The following ASB17 variants were observed in gnomAD, a reference collection of about 807,000 sequenced individuals.
ASB17 encodes ankyrin repeat and SOCS box containing 17.
In ASB17, 26 loss-of-function variants were observed where a neutral mutation model predicts 25.7. The observed-to-expected ratio is 1.01, with a 90% CI of 0.74 to 1.40. The LOEUF (loss-of-function observed/expected upper bound fraction) is 1.40. ASB17 is among the 40% of genes most tolerant of loss of function. The pLI is 0.00. For missense variants in ASB17, 326 were observed against 338.5 expected (o/e 0.96, Z 0.29); for synonymous variants, 128 against 121.4 (o/e 1.05, Z -0.36).
intron 2 of ASB17, among the ~76,000 whole-genome samples, chr1:75,919,534 C>A (rs143172375): frequency 0.038 from 5,761 of 152,240 alleles, 177 homozygotes; most frequent in South Asian, 0.075. Context: ...TATCCCTCCC[C>A]TCTCCCCCTA....
At chr1:75,927,285 G>A (rs1259763370) in intron 1 of ASB17, among the ~76,000 whole-genome samples, 1 of 140,100 alleles carries the variant, frequency 7.1e-6, no homozygotes, top group Non-Finnish European at 1.6e-5. Context: ...GTTGTTTTAA[G>A]CCACTAAGTT....
At chr1:75,921,626 C>A (rs1053784070) in intron 2 of ASB17, among the ~76,000 whole-genome samples, 14 of 151,996 alleles carry the variant, frequency 9.2e-5, no homozygotes, top group Admixed American at 2.6e-4. Context: ...ATATTTTAAG[C>A]CTTTATTTAT....
At chr1:75,919,259 T>C (rs986282065) in intron 2 of ASB17, 101 bp from the exon 3 acceptor site, 1 of 828,030 alleles carries the variant, frequency 1.2e-6, no homozygotes, top group Non-Finnish European at 1.8e-6. Context: ...AAATAGACCA[T>C]AAATTTATAA....
chr1:75,932,125 C>A lies in ASB17; in HGVS notation c.167G>T (p.Arg56Met). 1 of 1,614,086 alleles carries A rather than the reference C, an allele frequency of 6.2e-7. No homozygotes were observed. The highest frequency in any genetic ancestry group is 1.3e-5 in the African/African-American group (1 of 75,038). Residue 56 changes from arginine to methionine, a missense_variant, in exon 1 of 3, where the codon AGG (arginine) becomes ATG (methionine). Transcript: ENST00000284142. The stretch of plus-strand genomic sequence containing the variant: ...GTCAAAACCATCCAAGTCCACATAC[C>A]TCAGAATTTTTGCCAGTGATCTGTA... Reference protein sequence around the residue: ...RIYRSLAKILRYVDLDGFDAL... With the variant: ...RIYRSLAKILMYVDLDGFDAL...
rs1395939707 is a variant in ASB17, at chr1:75,922,199, A to G, written c.562T>C (p.Tyr188His). The G allele has an allele frequency of 6.2e-7, 1 of 1,613,888 alleles. No homozygotes were observed. The highest frequency in any genetic ancestry group is 8.5e-7 in the Non-Finnish European group (1 of 1,179,850). Residue 188 changes from tyrosine (Y) to histidine (H), a missense_variant, in exon 2 of 3, where the codon TAC (tyrosine) becomes CAC (histidine). By Grantham distance (83) the Tyr-to-His change is moderately conservative. Coordinates refer to ENST00000284142, the MANE Select transcript of ASB17 (RefSeq NM_080868.3). The stretch of plus-strand genomic sequence containing the variant: ...ACCATTACTCTTACTCTCGAAGGGT[A>G]GAGTACTATTGTTAAGACAATGTTG... ...PINIVLTIVL[Y>H]PSRVRVMVDR...
chr1:75,928,134 C>T (rs1321475205), intron 1 of ASB17, among the ~76,000 whole-genome samples: 3 of 152,186 alleles, frequency 2.0e-5, no homozygotes, highest in Non-Finnish European at 4.4e-5. Flanking sequence ...CAGATACCTA[C>T]TCCTCCCTAA....
intron 2 of ASB17, among the ~76,000 whole-genome samples, chr1:75,921,076 TC>T (rs1306979907): frequency 6.6e-5 from 10 of 152,184 alleles, no homozygotes; most frequent in Admixed American, 4.6e-4. Context: ...GCCCGGCCTG[TC>T]CTAGTGCTTT....
intron 2 of ASB17, among the ~76,000 whole-genome samples, chr1:75,921,021 G>T (rs1002710018): frequency 6.6e-6 from 1 of 151,950 alleles, no homozygotes; most frequent in Non-Finnish European, 1.5e-5. Context: ...TGATCCGCCC[G>T]CCTCGGCCTC....
chr1:75,931,577 G>T (rs1770891), intron 1 of ASB17, among the ~76,000 whole-genome samples: 145,174 of 152,236 alleles, frequency 0.95, 69,494 homozygotes, highest in East Asian at 1. Context: ...CATAGGATTC[G>T]CAGAAATAGG....
chr1:75,924,211 G>A (rs1016763826), intron 1 of ASB17, among the ~76,000 whole-genome samples: 1 of 152,142 alleles, frequency 6.6e-6, no homozygotes, highest in African/African-American at 2.4e-5. Context: ...ACTAGCTATA[G>A]AAGATAAATG....
In ASB17 at chr1:75,922,156, T is replaced by G; in HGVS notation, c.605A>C (p.Asp202Ala). ...ACATGTTTTGGCATCTTCATGGATG[T>G]CAGCCAATTCACGATCAACCATTAC... Reference protein sequence around the residue: ...VRVMVDRELADIHEDAKTCLV... With the variant: ...VRVMVDRELAAIHEDAKTCLV... The change falls in exon 2 of 3, where the codon GAC becomes GCC. Residue 202 changes from aspartate (D) to alanine (A), a missense_variant. Physicochemically the swap from Asp to Ala is moderately radical, Grantham distance 126 (BLOSUM62 -2). Transcript: ENST00000284142. 1 of 1,613,766 alleles carries G rather than the reference T, an allele frequency of 6.2e-7. No homozygotes were observed. Among genetic ancestry groups the G allele is most frequent in the Non-Finnish European group, 8.5e-7 (1 of 1,179,722 alleles).
chr1:75,927,415 G>A (rs560374551), intron 1 of ASB17, among the ~76,000 whole-genome samples: 2 of 152,114 alleles, frequency 1.3e-5, no homozygotes, highest in South Asian at 4.2e-4. Flanking sequence ...ATCACTTACC[G>A]TGTCTTGTAA....
chr1:75,928,859 A>G (rs756244320), intron 1 of ASB17, among the ~76,000 whole-genome samples: 2 of 152,236 alleles, frequency 1.3e-5, no homozygotes, highest in African/African-American at 2.4e-5. Flanking sequence ...GAGCAAACCA[A>G]TGAAAAAGGA....
intron 1 of ASB17, among the ~76,000 whole-genome samples, chr1:75,922,627 G>A (rs1186672722): frequency 6.6e-6 from 1 of 150,760 alleles, no homozygotes; most frequent in Admixed American, 6.7e-5. Context: ...CTCCCGAGTA[G>A]CTGGGATTAC....
chr1:75,921,622 T>G (rs1653030241), intron 2 of ASB17, among the ~76,000 whole-genome samples: 1 of 152,238 alleles, frequency 6.6e-6, no homozygotes, highest in Admixed American at 6.5e-5. Flanking sequence ...ACAAATATTT[T>G]AAGCCTTTAT....
chr1:75,921,455 G>T (rs1448514174), intron 2 of ASB17, among the ~76,000 whole-genome samples: 1 of 152,080 alleles, frequency 6.6e-6, no homozygotes, highest in East Asian at 1.9e-4. Context: ...CTTCTTTCTT[G>T]CTACTAATGG....
rs1257637821 is a variant in ASB17, at chr1:75,930,305, A to G, written c.401+1586T>C. Among the ~76,000 whole-genome samples, 3 of 147,376 alleles carry G rather than the reference A, an allele frequency of 2.0e-5. No homozygotes were observed. In the East Asian group the frequency reaches 5.8e-4, roughly 29 times the overall value. On this transcript the variant is annotated intron_variant, in intron 1 of 2. Transcript: ENST00000284142. ...ATATATAAAACATATATAACTATAT[A>G]TAACATGTATATATATAACTACATA...
chr1:75,930,312 G>GTA (rs1311322920), intron 1 of ASB17, among the ~76,000 whole-genome samples: 1 of 144,884 alleles, frequency 6.9e-6, no homozygotes, highest in Admixed American at 6.9e-5. Flanking sequence ...TATATAACAT[G>GTA]TATATATATA....
At chr1:75,923,174 A>G (rs112503879) in intron 1 of ASB17, among the ~76,000 whole-genome samples, 2 of 152,294 alleles carry the variant, frequency 1.3e-5, no homozygotes, top group South Asian at 2.1e-4. Flanking sequence ...AAATACAACT[A>G]TCTTAATTCT....
Sources: allele counts gnomAD v4.1 joint callset (sites outside exome capture counted in the v4.1 genomes callset), GRCh38; gene constraint gnomAD v4.1.1; transcripts MANE v1.5; gene names NCBI Gene and HGNC (gene_info 2026-07-23, HGNC 2026-07-21).